The following TMC6 variants were observed in gnomAD, a reference collection of about 807,000 sequenced individuals.
TMC6 encodes transmembrane channel like 6.
A neutral mutation model predicts 95.4 loss-of-function variants in TMC6; 71 were observed. The observed-to-expected ratio is 0.74, with a 90% CI of 0.61 to 0.91. The LOEUF (loss-of-function observed/expected upper bound fraction) is 0.91, where lower values mean the gene tolerates loss of function less well. TMC6 is among the 40% of genes least tolerant of loss of function. TMC6 has a pLI of 0.00. For missense variants in TMC6, 1,074 were observed against 1,079.1 expected (o/e 1.00, Z 0.07); for synonymous variants, 514 against 483.1 (o/e 1.06, Z -0.84).
At chr17:78,115,618 A>AAGGGAGTGGGCACAGGG (rs1387319964) in intron 18 of TMC6, among the ~76,000 whole-genome samples, 30 of 145,578 alleles carry the variant, frequency 2.1e-4, no homozygotes, top group African/African-American at 7.9e-4. Flanking sequence ...GGCAGAGAGG[A>AAGGGAGTGGGCACAGGG]GCGAAGGGAG....
At position 78,117,592 on chromosome 17, in the gene TMC6, C is replaced by T. The variant is rs753605181; in HGVS notation, c.2074G>A (p.Glu692Lys). ...GPFRTLDTMY[E>K]AGRVWVRHLE... is the part of the protein sequence containing the mutation. ...TGGCGCACCCACACCCTGCCGGCCT[C>T]GTACATGGTGTCCAGGGTCCGGAAG... is the stretch of plus-strand genomic sequence containing the variant. The change falls in exon 17 of 20, where the codon GAG becomes AAG. Residue 692 changes from glutamate to lysine, a missense_variant. Glu to Lys is a moderately conservative substitution (Grantham distance 56, BLOSUM62 1). Transcript: ENST00000590602. The T allele has an allele frequency of 1.4e-5, 22 of 1,584,096 alleles. No homozygotes were observed. The highest frequency in any genetic ancestry group is 3.4e-5 in the South Asian group (3 of 87,606).
At position 78,125,128 on chromosome 17, in the gene TMC6, G is replaced by A. The variant is rs922631041; in HGVS notation, c.536+30C>T. Reference sequence around the variant, plus strand: ...GAAGTGGGTCTGGGGGCGCAGCAGCGGCGGCATGGTCAGGGTCGGGGCTGC... The same window carrying A: ...GAAGTGGGTCTGGGGGCGCAGCAGCAGCGGCATGGTCAGGGTCGGGGCTGC... On this transcript the variant is annotated intron_variant, in intron 6 of 19. Coordinates refer to ENST00000590602, the MANE Select transcript of TMC6 (RefSeq NM_001127198.5). The A allele has an allele frequency of 1.6e-5, 25 of 1,551,582 alleles. No homozygotes were observed. In the African/African-American group the frequency reaches 1.8e-4, roughly 11 times the overall value.
upstream of TMC6, chr17:78,132,303 G>T (rs1173126511): frequency 1.9e-6 from 3 of 1,602,058 alleles, no homozygotes; most frequent in Non-Finnish European, 2.6e-6. Flanking sequence ...TGGACTCTCA[G>T]CGCGGCCCCA....
Position 78,117,456 on chromosome 17 carries a change from T to C in TMC6, c.2198+12A>G. ...CCATCTCCCCAGGGCCGCCCCCACCTGCGGGACTCACAGCAGCAGGGCTGA... is the reference window on the plus strand; with the variant it reads ...CCATCTCCCCAGGGCCGCCCCCACCCGCGGGACTCACAGCAGCAGGGCTGA... On this transcript the variant is annotated intron_variant, in intron 17 of 19. Transcript: ENST00000590602. 6.2e-7 allele frequency: 1 copy of C among 1,610,296 alleles called. No homozygotes were observed. Among genetic ancestry groups the C allele is most frequent in the Non-Finnish European group, 8.5e-7 (1 of 1,179,266 alleles).
At position 78,117,552 on chromosome 17, in the gene TMC6, C is replaced by T. The variant is rs1372969753; in HGVS notation, c.2114G>A (p.Gly705Asp). ...RVWVRHLEAA[G>D]PRVSWLPWVH... ...CCAGGGCAGCCAGGAGACCCTGGGG[C>T]CTGCCGCCTCCAGGTGGCGCACCCA... is the stretch of plus-strand genomic sequence containing the variant. Residue 705 changes from glycine to aspartate, a missense_variant, in exon 17 of 20, where the codon GGC becomes GAC. Coordinates refer to ENST00000590602, the MANE Select transcript of TMC6 (RefSeq NM_001127198.5). The T allele has an allele frequency of 6.3e-7, 1 of 1,597,456 alleles. No individual in the cohort carries two copies. Among genetic ancestry groups the T allele is most frequent in the Admixed American group, 1.7e-5 (1 of 57,832 alleles).
chr17:78,119,635 A>T, intron 13 of TMC6: 1 of 567,038 alleles, frequency 1.8e-6, no homozygotes, highest in South Asian at 1.9e-5. Context: ...TCCAGCACCA[A>T]ATGATTTTTT....
chr17:78,118,714 C>A (rs986443586), intron 15 of TMC6, among the ~76,000 whole-genome samples: 1 of 152,022 alleles, frequency 6.6e-6, no homozygotes, highest in Non-Finnish European at 1.5e-5. Context: ...CCTGGCCCTA[C>A]CCCTGGCCAG....
In TMC6 at chr17:78,121,420, A is replaced by G. The variant is rs13339679; in HGVS notation, c.1383+136T>C. 13,204 of 1,476,454 alleles carry G rather than the reference A, an allele frequency of 8.9e-3. 1,003 individuals are homozygous for G. The African/African-American group carries it at 0.16, about 18-fold the overall frequency. 91.5% of individuals were successfully genotyped at this position (1,476,454 alleles called of 1,614,324 possible). A position where few individuals can be genotyped will look rare whatever the true frequency, so the allele number is the denominator to read the frequency against. ...AGTGGGGCTCGGAGGGGGCCCCAGC[A>G]CGGGGCACAGCGTACGTGGCACCCT... On this transcript the variant is annotated intron_variant, in intron 11 of 19. Transcript: ENST00000590602. The surrounding 1 kb of genome is among the most constrained non-coding windows in gnomAD (Gnocchi z 5.6).
At chr17:78,119,162 T>G in intron 14 of TMC6, 116 bp from the exon 15 acceptor site, 1 of 1,486,842 alleles carries the variant, frequency 6.7e-7, no homozygotes. Context: ...GTCCCCGGGG[T>G]TAGGGTCTGC....
chr17:78,119,635 A>G (rs548134586), intron 13 of TMC6: 3 of 567,038 alleles, frequency 5.3e-6, no homozygotes, highest in South Asian at 3.8e-5. Flanking sequence ...TCCAGCACCA[A>G]ATGATTTTTT....
At chr17:78,116,521 C>T (rs959285336) in intron 18 of TMC6, among the ~76,000 whole-genome samples, 2 of 152,214 alleles carry the variant, frequency 1.3e-5, no homozygotes, top group African/African-American at 4.8e-5. Context: ...CATTCTCCCA[C>T]CTTGGCCTCC....
In TMC6 at chr17:78,112,758, C is replaced by A; in HGVS notation, c.*390G>T. On this transcript the variant is annotated 3_prime_UTR_variant, in exon 20 of 20. Transcript: ENST00000590602. Reference sequence around the variant, plus strand: ...TCAAAGGCAGCAAGCGAATCAAGCCCTGGCGCGGTCCAGCCCCTGCCATCT... The same window carrying A: ...TCAAAGGCAGCAAGCGAATCAAGCCATGGCGCGGTCCAGCCCCTGCCATCT... 1 of 314,902 alleles carries A rather than the reference C, an allele frequency of 3.2e-6. No homozygotes were observed. The highest frequency in any genetic ancestry group is 7.2e-5 in the East Asian group (1 of 13,814). The allele number at this position is 314,902 out of a possible 1,614,324, so 19.5% of individuals were successfully genotyped here. A position where few individuals can be genotyped will look rare whatever the true frequency, so the allele number is the denominator to read the frequency against.
rs1249484355 is a variant in TMC6 at position 78,117,512 on chromosome 17, C to G, written c.2154G>C (p.Leu718=). 1 of 1,607,198 alleles carries G rather than the reference C, an allele frequency of 6.2e-7. No homozygotes were observed. Among genetic ancestry groups the G allele is most frequent in the Non-Finnish European group, 8.5e-7 (1 of 1,178,202 alleles). ...GGAAGACAAAGAAGGTGTTTTCCAT[C>G]AGGTACCGGTGCACCCAGGGCAGCC... is the stretch of plus-strand genomic sequence containing the variant. ...VSWLPWVHRY[L]MENTFFVFLV... Residue 718 remains leucine (L), a synonymous_variant, in exon 17 of 20, where the codon CTG becomes CTC. Transcript: ENST00000590602.
In TMC6 at chr17:78,110,702, T is replaced by C. The variant is rs1315890934; in HGVS notation, c.*2446A>G. The stretch of plus-strand genomic sequence containing the variant: ...GAACAACAGTTTGTAGATCTTAGGC[T>C]GCTCTCATCGAGCAAACATGGCCTC... On this transcript the variant is annotated 3_prime_UTR_variant, in exon 20 of 20. Transcript: ENST00000590602. 3 of 152,282 alleles carry C rather than the reference T, an allele frequency of 2.0e-5. No individual in the cohort carries two copies. Among genetic ancestry groups the C allele is most frequent in the Admixed American group, 2.0e-4 (3 of 15,288 alleles). The allele number at this position is 152,282 out of a possible 1,614,324, so 9.4% of individuals were successfully genotyped here. A position where few individuals can be genotyped will look rare whatever the true frequency, so the allele number is the denominator to read the frequency against.
chr17:78,131,527 C>T, upstream of TMC6: 1 of 1,531,330 alleles, frequency 6.5e-7, no homozygotes. Flanking sequence ...CTCATCCAAC[C>T]GGGGACTCAT....
intron 18 of TMC6, among the ~76,000 whole-genome samples, chr17:78,116,444 T>C (rs1455095729): frequency 6.6e-6 from 1 of 152,040 alleles, no homozygotes; most frequent in African/African-American, 2.4e-5. Flanking sequence ...AGCTAACTTT[T>C]AAAATTTTTA....
At chr17:78,125,633 C>T (rs753900274) in intron 5 of TMC6, 93 bp downstream of exon 5, 6 of 1,512,376 alleles carry the variant, frequency 4.0e-6, no homozygotes, top group Admixed American at 4.0e-5. Context: ...TCTGGCTCTG[C>T]AGCACCCCAG....
At position 78,125,717 on chromosome 17, in the gene TMC6, C is replaced by T; in HGVS notation, c.430+9G>A. 1.3e-6 allele frequency: 2 copies of T among 1,562,236 alleles called. No homozygotes were observed. Among genetic ancestry groups the T allele is most frequent in the South Asian group, 2.4e-5 (2 of 84,944 alleles). On this transcript the variant is annotated intron_variant, in intron 5 of 19. Transcript: ENST00000590602. ...TCCGCCACTGGGGCTCCAGTGCCCA[C>T]TCACTCACCCTCCTCCTCCAGGGCC... is the stretch of plus-strand genomic sequence containing the variant.
chr17:78,127,655 C>T (rs561040206), intron 1 of TMC6, among the ~76,000 whole-genome samples: 1 of 152,364 alleles, frequency 6.6e-6, no homozygotes, highest in South Asian at 2.1e-4. Flanking sequence ...GACTCAGCTC[C>T]CAGCCACCAG....
Sources: allele counts gnomAD v4.1 joint callset (sites outside exome capture counted in the v4.1 genomes callset), GRCh38; gene constraint gnomAD v4.1.1; non-coding constraint Gnocchi (gnomAD v3.1); transcripts MANE v1.5; gene names NCBI Gene and HGNC (gene_info 2026-07-23, HGNC 2026-07-21).